Variants in RNF17 observed in about 807,000 individuals in gnomAD.
The protein encoded by RNF17 is ring finger protein 17.
RNF17 carries 31 observed loss-of-function variants against 200.5 expected under a neutral mutation model. The ratio of observed to expected loss-of-function variants is 0.15; its 90% CI spans 0.12 to 0.21. The LOEUF is 0.21. Among genes scored for constraint, RNF17 ranks in the 10% least tolerant of loss-of-function variants. The pLI is 1.00. For missense variants in RNF17, 1,628 were observed against 1,905.1 expected (o/e 0.85, Z 2.71); for synonymous variants, 606 against 637.8 (o/e 0.95, Z 0.75).
chr13:24,811,894 C>A (rs1428704313), intron 15 of RNF17, among the ~76,000 whole-genome samples: 1 of 152,016 alleles, frequency 6.6e-6, no homozygotes, highest in Non-Finnish European at 1.5e-5. Flanking sequence ...TGTTGGAGTA[C>A]CCGGCCGTGT....
At chr13:24,830,416 A>G in intron 16 of RNF17, 68 bp from the exon 17 acceptor site, 2 of 912,292 alleles carry the variant, frequency 2.2e-6, no homozygotes, top group Non-Finnish European at 3.5e-6. Flanking sequence ...TTGGCCATAA[A>G]CCAATCTAAA....
In RNF17 at chr13:24,781,916, G is replaced by A. The variant is rs769021398; in HGVS notation, c.583G>A (p.Asp195Asn). The change falls in exon 6 of 36, where the codon GAC (aspartate) becomes AAC (asparagine). Residue 195 changes from aspartate (D) to asparagine (N), a missense_variant. By Grantham distance (23) the Asp-to-Asn change is conservative. Transcript: ENST00000255324. ...TATAGAAGTTGTGGAGAAACAGTTT[G>A]ACCAACTTTTGGCTTTTTTTGATTC... ...RVIEVVEKQF[D>N]QLLAFFDSRK... 2.5e-6 allele frequency: 4 copies of A among 1,612,336 alleles called. No homozygotes were observed. The highest frequency in any genetic ancestry group is 1.7e-5 in the Admixed American group (1 of 59,842).
downstream of RNF17, among the ~76,000 whole-genome samples, chr13:24,880,497 C>T (rs1477710730): frequency 6.6e-6 from 1 of 152,238 alleles, no homozygotes; most frequent in African/African-American, 2.4e-5. Flanking sequence ...CATATGAATG[C>T]ATCCATAAAT....
At chr13:24,763,997 C>G (rs1274444709), upstream of RNF17, among the ~76,000 whole-genome samples, 3 of 152,232 alleles carry the variant, frequency 2.0e-5, no homozygotes, top group Non-Finnish European at 4.4e-5. Context: ...CGGTCCTCAA[C>G]GGCCACAAGG....
chr13:24,756,442 T>A, the RNF17 span, among the ~76,000 whole-genome samples: 18,258 of 152,148 alleles, frequency 0.12, 1,201 homozygotes, highest in African/African-American at 0.16. Context: ...TAATTCTTCC[T>A]CGTTTTGTTT....
At chr13:24,779,869 T>TA in intron 5 of RNF17, 122 bp downstream of exon 5, 1 of 643,326 alleles carries the variant, frequency 1.6e-6, no homozygotes, top group Non-Finnish European at 2.5e-6. Context: ...CATGATAATC[T>TA]AAAAAAGAAT....
At chr13:24,760,131 AC>A (rs2137821558), upstream of RNF17, among the ~76,000 whole-genome samples, 1 of 152,218 alleles carries the variant, frequency 6.6e-6, no homozygotes, top group South Asian at 2.1e-4. Context: ...ACAGAGCAAG[AC>A]TCCATCTCAA....
chr13:24,798,775 G>A (rs768131157), intron 11 of RNF17, among the ~76,000 whole-genome samples: 1 of 151,790 alleles, frequency 6.6e-6, no homozygotes, highest in Non-Finnish European at 1.5e-5. Flanking sequence ...TTGTTTGTTT[G>A]ATCTTCTTTT....
downstream of RNF17, chr13:24,882,502 G>A (rs1185368626): frequency 2.0e-5 from 3 of 152,112 alleles, no homozygotes; most frequent in Non-Finnish European, 4.4e-5. Flanking sequence ...GGTAACATCA[G>A]GGTAGCTGTG....
intron 15 of RNF17, among the ~76,000 whole-genome samples, chr13:24,823,096 C>CG (rs1343156199): frequency 6.6e-6 from 1 of 151,864 alleles, no homozygotes; most frequent in Admixed American, 6.6e-5. Flanking sequence ...GAAAAAAAAA[C>CG]GGAGTCTGGC....
intron 22 of RNF17, among the ~76,000 whole-genome samples, chr13:24,846,303 G>A (rs1352656801): frequency 6.6e-6 from 1 of 152,020 alleles, no homozygotes; most frequent in Non-Finnish European, 1.5e-5. Context: ...TTGAACTATG[G>A]CATATTAACT....
intron 24 of RNF17, among the ~76,000 whole-genome samples, chr13:24,852,432 T>A (rs537753833): frequency 1.3e-5 from 2 of 152,032 alleles, no homozygotes; most frequent in Non-Finnish European, 2.9e-5. Flanking sequence ...GCCACCACGC[T>A]CGGCCTCTTT....
At chr13:24,748,073 C>T in the RNF17 span, among the ~76,000 whole-genome samples, 5 of 152,218 alleles carry the variant, frequency 3.3e-5, no homozygotes. Flanking sequence ...CGCACTGATC[C>T]GAGCTTTAAC....
At chr13:24,838,466 T>C (rs757197676) in intron 18 of RNF17, among the ~76,000 whole-genome samples, 19 of 151,858 alleles carry the variant, frequency 1.3e-4, no homozygotes, top group Non-Finnish European at 2.5e-4. Flanking sequence ...CAACAACATA[T>C]CAAAAAAGTA....
At chr13:24,885,237 T>A in the RNF17 span, 1 of 1,349,662 alleles carries the variant, frequency 7.4e-7, no homozygotes, top group Non-Finnish European at 1.1e-6. Flanking sequence ...CCCATGTTTA[T>A]TTTTTATAGA....
At chr13:24,765,115 A>G (rs1487022117) in intron 1 of RNF17, among the ~76,000 whole-genome samples, 1 of 152,072 alleles carries the variant, frequency 6.6e-6, no homozygotes, top group African/African-American at 2.4e-5. Flanking sequence ...TCCCAGGTTC[A>G]CGCCATTCTC....
chr13:24,805,909 C>CT (rs1164440593), intron 15 of RNF17, among the ~76,000 whole-genome samples: 2 of 151,330 alleles, frequency 1.3e-5, no homozygotes, highest in African/African-American at 4.9e-5. Context: ...TATTATTATA[C>CT]TTTAAGTTCT....
chr13:24,775,552 C>G (rs1266885184), intron 3 of RNF17, among the ~76,000 whole-genome samples: 1 of 152,160 alleles, frequency 6.6e-6, no homozygotes, highest in African/African-American at 2.4e-5. Context: ...CACCCAGCTT[C>G]TCTTGATTCT....
downstream of RNF17, chr13:24,882,905 A>G: frequency 2.3e-6 from 1 of 441,374 alleles, no homozygotes; most frequent in Non-Finnish European, 4.2e-6. Flanking sequence ...TAACCAATAA[A>G]CACACCCACT....
Sources: allele counts gnomAD v4.1 joint callset (sites outside exome capture counted in the v4.1 genomes callset), GRCh38; gene constraint gnomAD v4.1.1; transcripts MANE v1.5; gene names NCBI Gene and HGNC (gene_info 2026-07-23, HGNC 2026-07-21).